TAFA5: variants seen among roughly 807,000 people sequenced by gnomAD.
TAFA5 encodes TAFA chemokine like family member 5.
Under a neutral mutation model 15.3 loss-of-function variants are expected in TAFA5, and 6 were observed. The ratio of observed to expected loss-of-function variants is 0.39; its 90% CI spans 0.21 to 0.77. The LOEUF is 0.77. Ranked by LOEUF, TAFA5 falls within the 30% of genes least tolerant of loss-of-function variation. The probability of loss-of-function intolerance (pLI) is 0.41; values close to 1 mark genes in which losing one functional copy is unlikely to be tolerated. For missense variants in TAFA5, 161 were observed against 193.1 expected (o/e 0.83, Z 0.98); for synonymous variants, 103 against 80.7 (o/e 1.28, Z -1.48).
chr22:48,650,607 C>G (rs993721182), intron 2 of TAFA5, among the ~76,000 whole-genome samples: 1 of 152,204 alleles, frequency 6.6e-6, no homozygotes, highest in Non-Finnish European at 1.5e-5. Flanking sequence ...ATTCTAGCCT[C>G]CAGCCTCCCC....
At chr22:48,576,649 C>T (rs1398811293) in intron 1 of TAFA5, 8 of 1,246,778 alleles carry the variant, frequency 6.4e-6, no homozygotes, top group Non-Finnish European at 8.1e-6. Flanking sequence ...GACCCGGCTT[C>T]CAGCACGTTC....
chr22:48,716,870 A>G (rs2337492), intron 3 of TAFA5, among the ~76,000 whole-genome samples: 9,526 of 152,240 alleles, frequency 0.063, 362 homozygotes, highest in Admixed American at 0.095. Flanking sequence ...AACTGAGGCA[A>G]TCTCTCAGAA....
intron 1 of TAFA5, among the ~76,000 whole-genome samples, chr22:48,526,570 C>T (rs1201912976): frequency 3.3e-5 from 5 of 152,208 alleles, no homozygotes; most frequent in East Asian, 3.8e-4. Context: ...CCATACAGGG[C>T]GGCTGCTGGC....
At chr22:48,593,513 C>T (rs1428703824) in intron 1 of TAFA5, among the ~76,000 whole-genome samples, 1 of 151,080 alleles carries the variant, frequency 6.6e-6, no homozygotes, top group Non-Finnish European at 1.5e-5. Flanking sequence ...ATGGGGGTGG[C>T]TGGGGTCGGG....
chr22:48,629,540 T>C (rs1926139693), intron 1 of TAFA5, among the ~76,000 whole-genome samples: 1 of 152,222 alleles, frequency 6.6e-6, no homozygotes, highest in African/African-American at 2.4e-5. Context: ...GAAAGGCACA[T>C]GCATCCTCTT....
At chr22:48,702,341 G>A (rs953118563) in intron 2 of TAFA5, among the ~76,000 whole-genome samples, 8 of 152,010 alleles carry the variant, frequency 5.3e-5, no homozygotes, top group African/African-American at 1.7e-4. Context: ...GCTGGGACTC[G>A]GGGGCTGTGG....
intron 2 of TAFA5, among the ~76,000 whole-genome samples, chr22:48,664,799 A>G (rs1298545657): frequency 1.3e-5 from 2 of 152,200 alleles, no homozygotes; most frequent in East Asian, 1.9e-4. Flanking sequence ...TCATTGCTGT[A>G]TAAAATGTCC....
At chr22:48,695,209 G>A (rs766191857) in intron 2 of TAFA5, among the ~76,000 whole-genome samples, 2 of 152,018 alleles carry the variant, frequency 1.3e-5, no homozygotes, top group African/African-American at 2.4e-5. Context: ...CTGTATTAAC[G>A]TTGCCCACTC....
chr22:48,699,069 G>A lies in TAFA5; in HGVS notation c.263-8648G>A, dbSNP rs190103645. ...TGATTCCCCTGCCTCGGCCTCCTGA[G>A]TAGCTGGGATGTACCACCATGCCCA... On this transcript the variant is annotated intron_variant, in intron 2 of 3. Transcript: ENST00000402357. Among the ~76,000 whole-genome samples, 6 of 151,924 alleles carry A rather than the reference G, an allele frequency of 3.9e-5. No homozygotes were observed. In the East Asian group the frequency reaches 7.8e-4, roughly 20 times the overall value.
intron 2 of TAFA5, among the ~76,000 whole-genome samples, chr22:48,654,703 A>G (rs1927177601): frequency 6.6e-6 from 1 of 152,230 alleles, no homozygotes; most frequent in African/African-American, 2.4e-5. Context: ...TTTGAGCCGA[A>G]TGACTCAAAT....
chr22:48,707,239 A>G (rs188808714), intron 2 of TAFA5, among the ~76,000 whole-genome samples: 69 of 152,250 alleles, frequency 4.5e-4, no homozygotes, highest in African/African-American at 1.6e-3. Flanking sequence ...TCGACTCCCC[A>G]TCTCCAGCCT....
At chr22:48,529,157 A>G (rs565413053) in intron 1 of TAFA5, among the ~76,000 whole-genome samples, 323 of 131,370 alleles carry the variant, frequency 2.5e-3, no homozygotes, top group African/African-American at 8.4e-3. Flanking sequence ...ATCAAGGTGG[A>G]GGCTGTTGAG....
chr22:48,535,468 C>T (rs971839715), intron 1 of TAFA5, among the ~76,000 whole-genome samples: 15 of 152,354 alleles, frequency 9.8e-5, no homozygotes, highest in Admixed American at 2.6e-4. Context: ...TGTTGCTATA[C>T]GCATATGTGT....
intron 2 of TAFA5, among the ~76,000 whole-genome samples, chr22:48,690,391 C>T (rs556774328): frequency 2.0e-5 from 3 of 152,148 alleles, no homozygotes; most frequent in South Asian, 2.1e-4. Flanking sequence ...CTCTTTGGGA[C>T]GTGTATCAGC....
chr22:48,543,847 A>C (rs946987718), intron 1 of TAFA5: 8 of 152,350 alleles, frequency 5.3e-5, no homozygotes, highest in African/African-American at 1.4e-4. Context: ...CTTCCAAGAT[A>C]ACTCTCCATT....
Position 48,530,723 on chromosome 22 carries a change from T to C in TAFA5, c.112+41019T>C, listed in dbSNP as rs956158470. ...CCTGCTGTCTTTGGGCCGGGAGTCATAGCCACCTGGTTCACACCTGACCCC... is the reference window on the plus strand; with the variant it reads ...CCTGCTGTCTTTGGGCCGGGAGTCACAGCCACCTGGTTCACACCTGACCCC... On this transcript the variant is annotated intron_variant, in intron 1 of 3. Coordinates refer to ENST00000402357, the MANE Select transcript of TAFA5 (RefSeq NM_001082967.3). This position sits in a 1 kb window ranked among gnomAD's most constrained non-coding sequence, Gnocchi z 6.0. Among the ~76,000 whole-genome samples the C allele has an allele frequency of 1.3e-5, 2 of 152,072 alleles. No individual in the cohort carries two copies. Among genetic ancestry groups the C allele is most frequent in the Admixed American group, 6.6e-5 (1 of 15,266 alleles).
intron 1 of TAFA5, among the ~76,000 whole-genome samples, chr22:48,636,202 C>T (rs1019984156): frequency 6.6e-6 from 1 of 152,204 alleles, no homozygotes; most frequent in Non-Finnish European, 1.5e-5. Context: ...TTCCTGAGAT[C>T]GTTGACTTTG....
intron 2 of TAFA5, among the ~76,000 whole-genome samples, chr22:48,689,204 C>T (rs1443669837): frequency 6.6e-6 from 1 of 152,102 alleles, no homozygotes; most frequent in African/African-American, 2.4e-5. Context: ...TTTTCAAAAA[C>T]GCGTGGAACC....
intron 1 of TAFA5, among the ~76,000 whole-genome samples, chr22:48,499,731 C>T (rs1342217993): frequency 6.6e-6 from 1 of 152,370 alleles, no homozygotes; most frequent in Middle Eastern, 3.4e-3. Flanking sequence ...CCACCCCCAA[C>T]CTTTGTTGCT....
Sources: allele counts gnomAD v4.1 joint callset (sites outside exome capture counted in the v4.1 genomes callset), GRCh38; gene constraint gnomAD v4.1.1; non-coding constraint Gnocchi (gnomAD v3.1); transcripts MANE v1.5; gene names NCBI Gene and HGNC (gene_info 2026-07-23, HGNC 2026-07-21).